The following SART3 variants were observed in gnomAD, a reference collection of about 807,000 sequenced individuals.
SART3 encodes HIV-1 Tat-interacting protein of 110kDa.
In SART3, 44 loss-of-function variants were observed where a neutral mutation model predicts 122.3. The observed-to-expected ratio is 0.36, with a 90% CI of 0.28 to 0.46. The LOEUF is 0.46. Among genes scored for constraint, SART3 ranks in the 20% least tolerant of loss-of-function variants. The pLI, the probability that SART3 is intolerant of heterozygous loss-of-function variation, is 1.00. For synonymous variants in SART3, 442 were observed against 454.0 expected (o/e 0.97, Z 0.34); for missense variants, 1,101 against 1,229.0 (o/e 0.90, Z 1.56).
At chr12:108,554,964 T>C (rs192170136) in intron 1 of SART3, among the ~76,000 whole-genome samples, 1 of 152,246 alleles carries the variant, frequency 6.6e-6, no homozygotes, top group African/African-American at 2.4e-5. Flanking sequence ...ATCAATTATA[T>C]ACAAAGAGAC....
chr12:108,552,998 T>G (rs938771590), intron 1 of SART3, among the ~76,000 whole-genome samples: 39 of 151,886 alleles, frequency 2.6e-4, no homozygotes, highest in African/African-American at 9.4e-4. Context: ...GATACATAGA[T>G]GAAGAGAATA....
At chr12:108,557,071 A>G (rs890877730) in intron 1 of SART3, among the ~76,000 whole-genome samples, 1 of 152,234 alleles carries the variant, frequency 6.6e-6, no homozygotes, top group African/African-American at 2.4e-5. Flanking sequence ...TATGTGGACA[A>G]GTACTCTGAA....
At chr12:108,537,204 T>C in intron 9 of SART3, 1 of 446,326 alleles carries the variant, frequency 2.2e-6, no homozygotes, top group Non-Finnish European at 4.1e-6. Flanking sequence ...AGCAGACTTA[T>C]TTCAAGAAGT....
At chr12:108,558,484 A>C (rs1263870430) in intron 1 of SART3, among the ~76,000 whole-genome samples, 1 of 152,238 alleles carries the variant, frequency 6.6e-6, no homozygotes, top group African/African-American at 2.4e-5. Flanking sequence ...AGGCAACTGC[A>C]GAGTACTAGT....
chr12:108,524,341 T>A lies in SART3; in HGVS notation c.2689A>T (p.Met897Leu), dbSNP rs1278028865. Residue 897 changes from methionine (M) to leucine (L), a missense_variant, in exon 18 of 19, where the codon ATG becomes TTG. Physicochemically the swap from Met to Leu is conservative, Grantham distance 15 (BLOSUM62 2). Around this residue, in one of 2 missense-constraint regions of SART3, gnomAD observed 885 missense variants for 1,080.1 expected, o/e 0.82. Coordinates refer to ENST00000546815, the MANE Select transcript of SART3 (RefSeq NM_014706.4). ...PETRKAPGGP[M>L]LLPQTYGARG... ...GCTCCGTATGTCTGCGGCAAAAGCATGGGGCCACCTGGTGCCTTCCTGGTC... is the reference window on the plus strand; with the variant it reads ...GCTCCGTATGTCTGCGGCAAAAGCAAGGGGCCACCTGGTGCCTTCCTGGTC... 1.2e-6 allele frequency: 2 copies of A among 1,614,128 alleles called. No homozygotes were observed. Among genetic ancestry groups the A allele is most frequent in the Non-Finnish European group, 1.7e-6 (2 of 1,180,006 alleles).
chr12:108,555,214 CA>C (rs2030166005), intron 1 of SART3, among the ~76,000 whole-genome samples: 1 of 152,010 alleles, frequency 6.6e-6, no homozygotes. Flanking sequence ...ATGTTTTTTA[CA>C]ATAAAAAAAT....
chr12:108,538,061 G>A lies in SART3; in HGVS notation c.1201+4C>T, dbSNP rs936490233. The A allele has an allele frequency of 6.2e-6, 10 of 1,613,910 alleles. No homozygotes were observed. The highest frequency in any genetic ancestry group is 6.8e-6 in the Non-Finnish European group (8 of 1,179,976). On this transcript the variant is annotated splice_donor_region_variant and intron_variant, in intron 8 of 18. Transcript: ENST00000546815. ...TAGAAGTTCTCCCACAAAAACATCC[G>A]CACCAGAAATTACTTGATGATCAAC...
chr12:108,538,355 A>C, intron 7 of SART3, 152 bp from the exon 8 acceptor site: 1 of 887,788 alleles, frequency 1.1e-6, no homozygotes, highest in Non-Finnish European at 1.8e-6. Flanking sequence ...AAAATCACTA[A>C]GGGGAGTGGA....
intron 13 of SART3, chr12:108,531,637 GCA>G (rs770682581): frequency 0.87 from 245,506 of 283,008 alleles, 106,756 homozygotes; most frequent in East Asian, 0.94. Context: ...GGTGGTCTTT[GCA>G]AGCCAGTTCT....
chr12:108,526,358 A>C lies in SART3; in HGVS notation c.2111T>G (p.Ile704Ser). The C allele has an allele frequency of 6.2e-7, 1 of 1,613,956 alleles. No homozygotes were observed. The highest frequency in any genetic ancestry group is 8.5e-7 in the Non-Finnish European group (1 of 1,179,816). Residue 704 changes from isoleucine to serine, a missense_variant, in exon 16 of 19, where the codon ATC (isoleucine) becomes AGC (serine). By Grantham distance (142) the Ile-to-Ser change is moderately radical. Transcript: ENST00000546815. Reference sequence around the variant, plus strand: ...GGGCAGGTTGCTGACAAAGACGGTGATGCTGTCCTTGCTGCTGTCGTGCAG... The same window carrying C: ...GGGCAGGTTGCTGACAAAGACGGTGCTGCTGTCCTTGCTGCTGTCGTGCAG... ...KVLHDSSKDS[I>S]TVFVSNLPYS...
intron 1 of SART3, among the ~76,000 whole-genome samples, chr12:108,551,419 C>A (rs1227382537): frequency 6.6e-6 from 1 of 152,036 alleles, no homozygotes; most frequent in Non-Finnish European, 1.5e-5. Flanking sequence ...TTTTCAGCAA[C>A]TGATAAAACT....
chr12:108,537,036 G>A (rs1440385146), intron 9 of SART3: 16 of 520,312 alleles, frequency 3.1e-5, no homozygotes, highest in Admixed American at 2.8e-4. Flanking sequence ...CCCCCAGCTG[G>A]GGTGACACAG....
At position 108,525,629 on chromosome 12, in the gene SART3, A is replaced by G; in HGVS notation, c.2371-20T>C. The G allele has an allele frequency of 6.2e-7, 1 of 1,613,682 alleles. No homozygotes were observed. Among genetic ancestry groups the G allele is most frequent in the Non-Finnish European group, 8.5e-7 (1 of 1,179,556 alleles). ...GAACACCTATAGGAAGAAGGAAGAC[A>G]GAGAAAAACCATGATTCGAGGCATG... On this transcript the variant is annotated intron_variant, in intron 16 of 18. Transcript: ENST00000546815.
In SART3 at chr12:108,530,123, T is replaced by C; in HGVS notation, c.1915+19A>G. On this transcript the variant is annotated intron_variant, in intron 15 of 18. Transcript: ENST00000546815. ...AACTTTAAGACGTTTCAAAACACAA[T>C]TTCTCAAGAGCTCCTTACCTTCTTC... 1 of 1,613,954 alleles carries C rather than the reference T, an allele frequency of 6.2e-7. No individual in the cohort carries two copies. Among genetic ancestry groups the C allele is most frequent in the South Asian group, 1.1e-5 (1 of 91,082 alleles).
chr12:108,523,467 A>C lies in SART3; in HGVS notation c.2882T>G (p.Leu961Arg). ...MSNADFAKLF[L>R]RK is the part of the protein sequence containing the mutation. The stretch of plus-strand genomic sequence containing the variant: ...CTCCCAGCGTCCCGTTCACTTTCTC[A>C]GAAACAGCTTGGCAAAATCGGCATT... The change falls in exon 19 of 19, where the codon CTG becomes CGG. Residue 961 changes from leucine (L) to arginine (R), a missense_variant. Leu to Arg is a moderately radical substitution (Grantham distance 102). This residue lies in a region of SART3 where 885 missense variants were observed against 1,080.1 expected (regional missense o/e 0.82). Coordinates refer to ENST00000546815, the MANE Select transcript of SART3 (RefSeq NM_014706.4). The C allele has an allele frequency of 6.2e-7, 1 of 1,612,306 alleles. No individual in the cohort carries two copies. Among genetic ancestry groups the C allele is most frequent in the Non-Finnish European group, 8.5e-7 (1 of 1,179,888 alleles).
intron 14 of SART3, 58 bp downstream of exon 14, chr12:108,531,146 A>G: frequency 1.5e-6 from 2 of 1,349,456 alleles, no homozygotes; most frequent in Middle Eastern, 3.6e-4. Flanking sequence ...AAACATCCAT[A>G]CCAAACTGAG....
chr12:108,539,603 A>T lies in SART3; in HGVS notation c.907-514T>A, dbSNP rs190379831. 1.8e-3 allele frequency among the ~76,000 whole-genome samples: 267 copies of T among 152,366 alleles called. 2 individuals carry two copies. Among genetic ancestry groups the T allele is most frequent in the African/African-American group, 5.7e-3 (235 of 41,584 alleles). On this transcript the variant is annotated intron_variant, in intron 6 of 18. Coordinates refer to ENST00000546815, the MANE Select transcript of SART3 (RefSeq NM_014706.4). Reference sequence around the variant, plus strand: ...TTTAATGATCCAAAGACATACAATCAAATTCTTTTTAGAAAAAAATCTTAT... The same window carrying T: ...TTTAATGATCCAAAGACATACAATCTAATTCTTTTTAGAAAAAAATCTTAT...
intron 15 of SART3, among the ~76,000 whole-genome samples, chr12:108,528,507 G>C (rs1313082575): frequency 6.6e-6 from 1 of 150,590 alleles, no homozygotes; most frequent in African/African-American, 2.4e-5. Context: ...AAAAAAGTAG[G>C]GCCAAGCCTG....
At chr12:108,537,658 A>C (rs1018613027) in intron 8 of SART3, 63 bp from the exon 9 acceptor site, 19 of 1,189,538 alleles carry the variant, frequency 1.6e-5, no homozygotes, top group Non-Finnish European at 2.0e-5. Context: ...GAAAGTCACT[A>C]CATTCTACTG....
Sources: gnomAD v4.1 joint callset for allele counts (sites outside exome capture counted in the v4.1 genomes callset) on GRCh38, gnomAD v4.1.1 for gene constraint, gnomAD v4.1.1 regional missense constraint, MANE v1.5 for transcripts, NCBI Gene and HGNC (gene_info 2026-07-23, HGNC 2026-07-21) for gene names.